The following MYO1F variants were observed in gnomAD, a reference collection of about 807,000 sequenced individuals.
MYO1F encodes the protein myosin IF.
A neutral mutation model predicts 146.6 loss-of-function variants in MYO1F; 60 were observed. That is an observed-to-expected ratio of 0.41 (90% confidence interval 0.33 to 0.51). The LOEUF is 0.51. Among genes scored for constraint, MYO1F ranks in the 20% least tolerant of loss-of-function variants. MYO1F has a pLI of 0.25. For missense variants in MYO1F, 1,274 were observed against 1,534.3 expected (o/e 0.83, Z 2.83); for synonymous variants, 602 against 602.1 (o/e 1.00, Z 0.00).
chr19:8,561,421 TC>T (rs1167694871), intron 1 of MYO1F, among the ~76,000 whole-genome samples: 11 of 116,922 alleles, frequency 9.4e-5, no homozygotes, highest in African/African-American at 3.7e-4. Context: ...CTCCCTCCCT[TC>T]CTTTCTCCTC....
At chr19:8,560,433 C>T (rs977691625) in intron 1 of MYO1F, among the ~76,000 whole-genome samples, 16 of 150,658 alleles carry the variant, frequency 1.1e-4, no homozygotes, top group Admixed American at 2.7e-4. Flanking sequence ...TGCAGTGAGC[C>T]GAGATTGCAC....
chr19:8,558,199 T>C (rs1014292558), intron 1 of MYO1F, among the ~76,000 whole-genome samples: 4 of 152,114 alleles, frequency 2.6e-5, no homozygotes, highest in Non-Finnish European at 5.9e-5. Flanking sequence ...AGTCTTGTTC[T>C]GTCACCCAGG....
At chr19:8,567,143 C>A (rs771318824) in intron 1 of MYO1F, among the ~76,000 whole-genome samples, 1 of 150,010 alleles carries the variant, frequency 6.7e-6, no homozygotes, top group Non-Finnish European at 1.5e-5. Context: ...CTTACTGCAA[C>A]CTCCGTCTCC....
chr19:8,525,524 T>G lies in MYO1F; in HGVS notation c.2809A>C (p.Arg937=), dbSNP rs753576044. 60 of 1,613,416 alleles carry G rather than the reference T, an allele frequency of 3.7e-5. No individual in the cohort carries two copies. Among genetic ancestry groups the G allele is most frequent in the African/African-American group, 1.2e-4 (9 of 74,906 alleles). ...RKGMAKGKPR[R]SSQAPTRAAP... Reference sequence around the variant, plus strand: ...GCCCGGGTAGGGGCTTGGGACGACCTCCGAGGTTTTCCCTTGGCCATTCCC... The same window carrying G: ...GCCCGGGTAGGGGCTTGGGACGACCGCCGAGGTTTTCCCTTGGCCATTCCC... The change falls in exon 25 of 28, where the codon AGG becomes CGG. Residue 937 remains arginine (R), a synonymous_variant. Transcript: ENST00000644032.
chr19:8,544,580 T>C (rs1973257497), intron 13 of MYO1F, 116 bp from the exon 14 acceptor site: 1 of 1,036,802 alleles, frequency 9.6e-7, no homozygotes, highest in Non-Finnish European at 1.4e-6. Context: ...GAGCTAGAGC[T>C]TTGGGGGTGG....
chr19:8,542,365 T>C (rs1433237447), intron 14 of MYO1F, among the ~76,000 whole-genome samples: 1 of 129,958 alleles, frequency 7.7e-6, no homozygotes, highest in East Asian at 2.7e-4. Context: ...GGCGGGGGGG[T>C]CCCTGGGAGT....
In MYO1F at chr19:8,569,951, C is replaced by T. The variant is rs557130177; in HGVS notation, c.3+7356G>A. 3.3e-5 allele frequency among the ~76,000 whole-genome samples: 5 copies of T among 152,238 alleles called. No individual in the cohort carries two copies. The South Asian group carries it at 8.3e-4, about 25-fold the overall frequency. ...TTTTGGACAGAGTCTTGTTCTGTTG[C>T]CCAGGTTGGAAGGCAGTGGTTTGAT... On this transcript the variant is annotated intron_variant, in intron 1 of 27. Coordinates refer to ENST00000644032, the MANE Select transcript of MYO1F (RefSeq NM_012335.4).
chr19:8,555,585 A>G, intron 2 of MYO1F, 74 bp downstream of exon 2: 3 of 1,598,832 alleles, frequency 1.9e-6, no homozygotes, highest in Non-Finnish European at 2.6e-6. Context: ...CTGCTCCTTC[A>G]CCCTCCTCTC....
chr19:8,529,397 G>A (rs1289630070), intron 21 of MYO1F, among the ~76,000 whole-genome samples: 1 of 152,088 alleles, frequency 6.6e-6, no homozygotes, highest in Non-Finnish European at 1.5e-5. Context: ...GGTGATTAGA[G>A]TACACGTAGG....
chr19:8,537,411 G>C (rs368636425), intron 16 of MYO1F, among the ~76,000 whole-genome samples: 4 of 152,148 alleles, frequency 2.6e-5, no homozygotes, highest in African/African-American at 9.6e-5. Flanking sequence ...GGGGAGATAG[G>C]TACCTTGGGT....
At chr19:8,557,685 C>T (rs981015322) in intron 1 of MYO1F, among the ~76,000 whole-genome samples, 14 of 152,236 alleles carry the variant, frequency 9.2e-5, no homozygotes, top group East Asian at 1.9e-4. Flanking sequence ...CCAGGCTTGG[C>T]GGGCAGGGCA....
At chr19:8,547,984 C>G in intron 12 of MYO1F, 52 bp downstream of exon 12, 613 of 975,908 alleles carry the variant, frequency 6.3e-4, no homozygotes, top group Middle Eastern at 1.2e-3. Flanking sequence ...CATGGTCCTT[C>G]CACCCCACCC....
intron 8 of MYO1F, among the ~76,000 whole-genome samples, chr19:8,551,061 A>ATT (rs374569323): frequency 7.9e-6 from 1 of 126,238 alleles, no homozygotes; most frequent in Non-Finnish European, 1.7e-5. Context: ...TTGGTTTCCT[A>ATT]TTTTTTTTTT....
chr19:8,577,059 T>C lies in MYO1F; in HGVS notation c.3+248A>G. 1.6e-6 allele frequency: 1 copy of C among 610,782 alleles called. No individual in the cohort carries two copies. The highest frequency in any genetic ancestry group is 2.8e-5 in the Admixed American group (1 of 35,748). 37.8% of individuals were successfully genotyped at this position (610,782 alleles called of 1,614,324 possible). On this transcript the variant is annotated intron_variant, in intron 1 of 27. Transcript: ENST00000644032. This position sits in a 1 kb window ranked among gnomAD's most constrained non-coding sequence, Gnocchi z 4.3. The stretch of plus-strand genomic sequence containing the variant: ...ATTCTCCCTGGGCCACCTTCTGTCT[T>C]CCAGGTCCTGCCCTATCCTTGGATC...
rs55920976 is a variant in MYO1F at position 8,522,534 on chromosome 19, C to A, written c.3063G>T (p.Lys1021Asn). 1.2e-5 allele frequency: 19 copies of A among 1,612,584 alleles called. No individual in the cohort carries two copies. The highest frequency in any genetic ancestry group is 1.1e-4 in the African/African-American group (8 of 74,936). The change falls in exon 27 of 28, where the codon AAG becomes AAT. Residue 1021 changes from lysine (K) to asparagine (N), a missense_variant. By Grantham distance (94) the Lys-to-Asn change is moderately conservative. Transcript: ENST00000644032. ...GCACTGGCCGTTGCCCCACGCTGCGCTTCCTCTGCATGCTGTGGGCACAGG... is the reference window on the plus strand; with the variant it reads ...GCACTGGCCGTTGCCCCACGCTGCGATTCCTCTGCATGCTGTGGGCACAGG... ...PDQGMAGMQR[K>N]RSVGQRPVPG... is the part of the protein sequence containing the mutation.
chr19:8,540,121 C>A lies in MYO1F; in HGVS notation c.1611-93G>T, dbSNP rs915255073. The A allele has an allele frequency of 1.1e-5, 10 of 914,852 alleles. No homozygotes were observed. The African/African-American group carries it at 1.7e-4, about 15-fold the overall frequency. The allele number at this position is 914,852 out of a possible 1,614,324, so 56.7% of individuals were successfully genotyped here. On this transcript the variant is annotated intron_variant, in intron 15 of 27. Coordinates refer to ENST00000644032, the MANE Select transcript of MYO1F (RefSeq NM_012335.4). Reference sequence around the variant, plus strand: ...GTGGGGCAGCCTCAATGCCGCAACGCAAAATATGGTTCTCTCAATGTGGAG... The same window carrying A: ...GTGGGGCAGCCTCAATGCCGCAACGAAAAATATGGTTCTCTCAATGTGGAG...
In MYO1F at chr19:8,566,689, T is replaced by C. The variant is rs1414795494; in HGVS notation, c.3+10618A>G. 3.3e-5 allele frequency among the ~76,000 whole-genome samples: 5 copies of C among 150,876 alleles called. No individual in the cohort carries two copies. The East Asian group carries it at 9.7e-4, about 29-fold the overall frequency. ...CCACCATGCCCAGGTAATATTTGTA[T>C]TTTTTGTAGAGATGGGGTTTCACCA... is the stretch of plus-strand genomic sequence containing the variant. On this transcript the variant is annotated intron_variant, in intron 1 of 27. Transcript: ENST00000644032.
intron 1 of MYO1F, among the ~76,000 whole-genome samples, chr19:8,572,324 G>C (rs1370518644): frequency 6.6e-6 from 1 of 152,002 alleles, no homozygotes; most frequent in Non-Finnish European, 1.5e-5. Context: ...CTGGAGTGTA[G>C]TGGTGCGATC....
intron 1 of MYO1F, among the ~76,000 whole-genome samples, chr19:8,560,975 G>C (rs1228396386): frequency 6.6e-6 from 1 of 151,918 alleles, no homozygotes; most frequent in East Asian, 1.9e-4. Flanking sequence ...CTGACCTTGT[G>C]ATCTGCCCGC....
Sources: allele counts gnomAD v4.1 joint callset (sites outside exome capture counted in the v4.1 genomes callset), GRCh38; gene constraint gnomAD v4.1.1; non-coding constraint Gnocchi (gnomAD v3.1); transcripts MANE v1.5; gene names NCBI Gene and HGNC (gene_info 2026-07-23, HGNC 2026-07-21).